The following KHDRBS2 variants were observed in gnomAD, a reference collection of about 807,000 sequenced individuals.
KHDRBS2 encodes KH domain-containing, RNA-binding, signal transduction-associated protein 2.
KHDRBS2 carries 26 observed loss-of-function variants against 44.3 expected under a neutral mutation model. The ratio of observed to expected loss-of-function variants is 0.59; its 90% CI spans 0.43 to 0.81. KHDRBS2 has a LOEUF of 0.81. KHDRBS2 is among the 40% of genes least tolerant of loss of function. The pLI is 0.00. For synonymous variants in KHDRBS2, 194 were observed against 151.1 expected, an observed-to-expected ratio of 1.28 and a Z score of -2.08; for missense variants, 476 against 433.1, an observed-to-expected ratio of 1.10 and a Z score of -0.88.
In KHDRBS2 at chr6:62,121,257, C is replaced by T. The variant is rs143776954; in HGVS notation, c.219+55928G>A. ...CCAAATGGAAGCTTTAGACCTACAT[C>T]TACTTAGAAAAAATAGTAAATCAAA... On this transcript the variant is annotated intron_variant, in intron 2 of 8. Transcript: ENST00000281156. Among the ~76,000 whole-genome samples the T allele has an allele frequency of 8.5e-4, 130 of 152,268 alleles. 1 individual carries two copies. The highest frequency in any genetic ancestry group is 3.0e-3 in the African/African-American group (123 of 41,566).
At chr6:61,633,655 C>G in the KHDRBS2 span, among the ~76,000 whole-genome samples, 2 of 152,046 alleles carry the variant, frequency 1.3e-5, no homozygotes, top group Non-Finnish European at 2.9e-5. Flanking sequence ...TGCACATCCT[C>G]ATGTGCCCAG....
At chr6:61,717,520 G>A (rs1002863401) in intron 7 of KHDRBS2, among the ~76,000 whole-genome samples, 21 of 152,166 alleles carry the variant, frequency 1.4e-4, no homozygotes, top group African/African-American at 4.8e-4. Flanking sequence ...ATAACCTTCT[G>A]TAAATTCAAT....
At chr6:61,559,278 T>A in the KHDRBS2 span, among the ~76,000 whole-genome samples, 1 of 152,032 alleles carries the variant, frequency 6.6e-6, no homozygotes, top group Admixed American at 6.6e-5. Flanking sequence ...ATTTTTTCCA[T>A]CCTTTTCTTA....
chr6:61,986,876 G>T (rs1775148269), intron 3 of KHDRBS2, among the ~76,000 whole-genome samples: 1 of 152,008 alleles, frequency 6.6e-6, no homozygotes. Flanking sequence ...ACCCCCAAAG[G>T]CCCCACTTCC....
At chr6:62,176,172 T>C (rs1198202429) in intron 2 of KHDRBS2, among the ~76,000 whole-genome samples, 1 of 151,372 alleles carries the variant, frequency 6.6e-6, no homozygotes, top group Non-Finnish European at 1.5e-5. Context: ...AATTTAATAT[T>C]CAAGAGAACA....
At chr6:61,736,589 T>C (rs1416459608) in intron 6 of KHDRBS2, among the ~76,000 whole-genome samples, 1 of 152,082 alleles carries the variant, frequency 6.6e-6, no homozygotes, top group Non-Finnish European at 1.5e-5. Context: ...AAGGCAGTTT[T>C]AATTTGTTTG....
rs1812350555 is a variant in KHDRBS2 at position 61,942,606 on chromosome 6, T to C, written c.483+35460A>G. The stretch of plus-strand genomic sequence containing the variant: ...ACCATGAAGCAACCCAATATTTGAA[T>C]TATCAAAGTCCCAGAATGCAAGGAG... On this transcript the variant is annotated intron_variant, in intron 4 of 8. Transcript: ENST00000281156. Among the ~76,000 whole-genome samples the C allele has an allele frequency of 1.3e-5, 2 of 152,088 alleles. 1 individual carries two copies. Among genetic ancestry groups the C allele is most frequent in the Admixed American group, 1.3e-4 (2 of 15,272 alleles).
Position 62,125,211 on chromosome 6 carries a change from C to A in KHDRBS2, c.219+51974G>T, listed in dbSNP as rs376212881. On this transcript the variant is annotated intron_variant, in intron 2 of 8. Coordinates refer to ENST00000281156, the MANE Select transcript of KHDRBS2 (RefSeq NM_152688.4). ...CAGGGAAAGAAAATCTGTGTGCTTG[C>A]GAGAGGAAGAGGGCAGTGATTATGT... 4.6e-5 allele frequency among the ~76,000 whole-genome samples: 7 copies of A among 152,056 alleles called. No individual in the cohort carries two copies. The East Asian group carries it at 5.8e-4, about 13-fold the overall frequency.
intron 1 of KHDRBS2, among the ~76,000 whole-genome samples, chr6:62,273,136 C>T (rs1311216434): frequency 3.2e-4 from 49 of 152,142 alleles, no homozygotes; most frequent in Admixed American, 3.1e-3. Flanking sequence ...AAATGCCTCT[C>T]TCATTTTACT....
chr6:61,568,684 G>T, the KHDRBS2 span, among the ~76,000 whole-genome samples: 2 of 152,162 alleles, frequency 1.3e-5, no homozygotes, highest in Admixed American at 6.6e-5. Flanking sequence ...ACCTTACCTA[G>T]ATCTTACATG....
intron 2 of KHDRBS2, among the ~76,000 whole-genome samples, chr6:62,072,877 C>T (rs1317673482): frequency 6.6e-6 from 1 of 151,992 alleles, no homozygotes; most frequent in South Asian, 2.1e-4. Context: ...GGGACGATTC[C>T]CTCTTTTTTT....
the KHDRBS2 span, among the ~76,000 whole-genome samples, chr6:61,609,602 T>C: frequency 6.6e-6 from 1 of 152,210 alleles, no homozygotes; most frequent in Non-Finnish European, 1.5e-5. Context: ...TGTATGCTAT[T>C]CTACCATTTT....
At position 62,253,203 on chromosome 6, in the gene KHDRBS2, T is replaced by C. The variant is rs558180333; in HGVS notation, c.91+32655A>G. 2.6e-5 allele frequency among the ~76,000 whole-genome samples: 4 copies of C among 152,210 alleles called. No homozygotes were observed. The South Asian group carries it at 6.2e-4, about 24-fold the overall frequency. On this transcript the variant is annotated intron_variant, in intron 1 of 8. Transcript: ENST00000281156. ...GTGAGTATCTTTTATTTCTGCAACATCATTTCCAGGAATGTTTGGTATACA... is the reference window on the plus strand; with the variant it reads ...GTGAGTATCTTTTATTTCTGCAACACCATTTCCAGGAATGTTTGGTATACA...
chr6:61,544,114 T>C, the KHDRBS2 span, among the ~76,000 whole-genome samples: 1 of 152,120 alleles, frequency 6.6e-6, no homozygotes, highest in Non-Finnish European at 1.5e-5. Flanking sequence ...AATATAATTG[T>C]ATTCTTTGTG....
chr6:61,911,519 C>T (rs941138548), intron 4 of KHDRBS2, among the ~76,000 whole-genome samples: 22 of 152,120 alleles, frequency 1.4e-4, no homozygotes, highest in African/African-American at 5.1e-4. Context: ...AGTGCATGCT[C>T]AATTCAACTT....
chr6:61,893,762 G>A (rs558098047), intron 6 of KHDRBS2, among the ~76,000 whole-genome samples: 31 of 152,278 alleles, frequency 2.0e-4, no homozygotes, highest in African/African-American at 7.2e-4. Flanking sequence ...GGTGAGGGGA[G>A]CGGGGAGGGA....
At chr6:61,998,723 C>A (rs1777685680) in intron 3 of KHDRBS2, among the ~76,000 whole-genome samples, 1 of 151,958 alleles carries the variant, frequency 6.6e-6, no homozygotes. Flanking sequence ...AAAAAGGTCA[C>A]CTTGGCTAGA....
At chr6:61,596,838 G>T in the KHDRBS2 span, among the ~76,000 whole-genome samples, 2 of 151,982 alleles carry the variant, frequency 1.3e-5, no homozygotes, top group Non-Finnish European at 2.9e-5. Context: ...TTTTAGTAGA[G>T]ACGGAGTTTC....
intron 6 of KHDRBS2, among the ~76,000 whole-genome samples, chr6:61,779,667 G>T (rs1267899678): frequency 1.2e-5 from 1 of 84,236 alleles, no homozygotes; most frequent in Non-Finnish European, 2.3e-5. Flanking sequence ...CTGCAGAAAT[G>T]ACGTGTTATA....
Sources: allele counts gnomAD v4.1 joint callset (sites outside exome capture counted in the v4.1 genomes callset), GRCh38; gene constraint gnomAD v4.1.1; transcripts MANE v1.5; gene names NCBI Gene and HGNC (gene_info 2026-07-23, HGNC 2026-07-21).